BRINP3: variants seen among roughly 807,000 people sequenced by gnomAD.
The protein encoded by BRINP3 is BMP/retinoic acid inducible neural specific 3.
Under a neutral mutation model 71.0 loss-of-function variants are expected in BRINP3, and 19 were observed. The ratio of observed to expected loss-of-function variants is 0.27; its 90% confidence interval spans 0.19 to 0.39. The LOEUF is 0.39. BRINP3 is among the 10% of genes least tolerant of loss of function. BRINP3 has a pLI of 1.00. For missense variants in BRINP3, 959 were observed against 940.8 expected (o/e 1.02, Z -0.25); for synonymous variants, 380 against 337.7 (o/e 1.13, Z -1.37).
chr1:190,404,280 T>C (rs1672122038), intron 2 of BRINP3, among the ~76,000 whole-genome samples: 1 of 152,140 alleles, frequency 6.6e-6, no homozygotes, highest in African/African-American at 2.4e-5. Context: ...GAATAGTTTA[T>C]ATTGAAGGAA....
At chr1:190,194,415 T>A (rs1654304050) in intron 6 of BRINP3, among the ~76,000 whole-genome samples, 1 of 151,892 alleles carries the variant, frequency 6.6e-6, no homozygotes, top group South Asian at 2.1e-4. Flanking sequence ...CATAGACTGA[T>A]CAGAAAACAT....
intron 4 of BRINP3, among the ~76,000 whole-genome samples, chr1:190,253,987 C>T (rs1660405750): frequency 6.6e-6 from 1 of 152,136 alleles, no homozygotes. Context: ...CTACATATGG[C>T]TAGCCAGTTT....
At chr1:190,116,129 T>A (rs1653117474) in intron 7 of BRINP3, among the ~76,000 whole-genome samples, 1 of 152,116 alleles carries the variant, frequency 6.6e-6, no homozygotes, top group Non-Finnish European at 1.5e-5. Context: ...ATACTTGATA[T>A]TTTTTATCCA....
chr1:190,420,019 A>G (rs1446721948), intron 2 of BRINP3, among the ~76,000 whole-genome samples: 4 of 152,028 alleles, frequency 2.6e-5, no homozygotes, highest in African/African-American at 9.7e-5. Flanking sequence ...AAGTAGATTC[A>G]TATTTATAAC....
rs571154634 is a variant in BRINP3 at position 190,398,994 on chromosome 1, A to T, written c.236+55661T>A. Among the ~76,000 whole-genome samples the T allele has an allele frequency of 1.3e-5, 2 of 152,138 alleles. 1 individual carries two copies. The highest frequency in any genetic ancestry group is 4.1e-4 in the South Asian group (2 of 4,828). On this transcript the variant is annotated intron_variant, in intron 2 of 7. Coordinates refer to ENST00000367462, the MANE Select transcript of BRINP3 (RefSeq NM_199051.3). ...AGTGGTCATATGTCCATCATTGGTC[A>T]GGTTTCATGGCTAATATCTATTTTT...
intron 2 of BRINP3, among the ~76,000 whole-genome samples, chr1:190,338,645 T>A (rs1188993942): frequency 2.0e-5 from 3 of 152,024 alleles, no homozygotes; most frequent in Non-Finnish European, 4.4e-5. Flanking sequence ...CCTGTTTTTG[T>A]CTATCAATTT....
At chr1:190,341,702 T>C (rs767698539) in intron 2 of BRINP3, among the ~76,000 whole-genome samples, 42 of 151,668 alleles carry the variant, frequency 2.8e-4, no homozygotes, top group Admixed American at 2.6e-4. Flanking sequence ...GGCAGAAATA[T>C]CAAAGTTCCA....
chr1:190,314,610 A>C (rs891799439), intron 2 of BRINP3, among the ~76,000 whole-genome samples: 1 of 152,154 alleles, frequency 6.6e-6, no homozygotes, highest in Non-Finnish European at 1.5e-5. Context: ...AAAAGTTAGG[A>C]AACTATTTCT....
chr1:190,392,919 T>A (rs1355193699), intron 2 of BRINP3, among the ~76,000 whole-genome samples: 2 of 151,714 alleles, frequency 1.3e-5, no homozygotes, highest in Non-Finnish European at 3.0e-5. Context: ...AGTTGCTTGA[T>A]ATGTTCACAG....
chr1:190,329,655 A>C (rs1666837042), intron 2 of BRINP3, among the ~76,000 whole-genome samples: 1 of 152,002 alleles, frequency 6.6e-6, no homozygotes, highest in Non-Finnish European at 1.5e-5. Context: ...CTATTCCAAA[A>C]GTCATATGAG....
chr1:190,322,228 C>A (rs1571743224), intron 2 of BRINP3, among the ~76,000 whole-genome samples: 2 of 151,916 alleles, frequency 1.3e-5, no homozygotes, highest in South Asian at 4.1e-4. Flanking sequence ...TCTCTAGAGA[C>A]AAGTTCAGGA....
chr1:190,145,787 C>T (rs1239707767), intron 7 of BRINP3, among the ~76,000 whole-genome samples: 1 of 151,904 alleles, frequency 6.6e-6, no homozygotes, highest in African/African-American at 2.4e-5. Context: ...TGCCCATCAA[C>T]CAAAGGGTGA....
chr1:190,319,026 A>T (rs1410821785), intron 2 of BRINP3, among the ~76,000 whole-genome samples: 1 of 152,150 alleles, frequency 6.6e-6, no homozygotes, highest in African/African-American at 2.4e-5. Context: ...TAACAGGAAC[A>T]AGTGAAACAC....
intron 2 of BRINP3, among the ~76,000 whole-genome samples, chr1:190,434,493 T>C (rs1351860941): frequency 6.6e-6 from 1 of 152,032 alleles, no homozygotes; most frequent in Non-Finnish European, 1.5e-5. Context: ...TCTTTTACTT[T>C]CTCAGGACTT....
intron 6 of BRINP3, among the ~76,000 whole-genome samples, chr1:190,206,156 C>T (rs1453426102): frequency 6.6e-6 from 1 of 151,970 alleles, no homozygotes; most frequent in African/African-American, 2.4e-5. Context: ...TGCTTTACTA[C>T]ATGACTTAAA....
chr1:190,373,898 C>A (rs1390366708), intron 2 of BRINP3, among the ~76,000 whole-genome samples: 3 of 150,766 alleles, frequency 2.0e-5, no homozygotes, highest in Non-Finnish European at 4.4e-5. Context: ...CTGCCTCCTA[C>A]TGTCTATATT....
intron 2 of BRINP3, among the ~76,000 whole-genome samples, chr1:190,311,082 A>C (rs1038624388): frequency 6.6e-6 from 1 of 151,730 alleles, no homozygotes; most frequent in Non-Finnish European, 1.5e-5. Flanking sequence ...ATTATGTTGT[A>C]CTTTCTTTCT....
chr1:190,147,027 T>C (rs1655947281), intron 7 of BRINP3, among the ~76,000 whole-genome samples: 1 of 152,088 alleles, frequency 6.6e-6, no homozygotes, highest in Non-Finnish European at 1.5e-5. Context: ...GATATCCTTG[T>C]GGATGTATTC....
At chr1:190,287,005 G>A (rs950075134) in intron 2 of BRINP3, among the ~76,000 whole-genome samples, 4 of 151,614 alleles carry the variant, frequency 2.6e-5, no homozygotes, top group Non-Finnish European at 5.9e-5. Context: ...GATCACTTCA[G>A]GTCAGGAGTT....
Sources: allele counts gnomAD v4.1 joint callset (sites outside exome capture counted in the v4.1 genomes callset), GRCh38; gene constraint gnomAD v4.1.1; transcripts MANE v1.5; gene names NCBI Gene and HGNC (gene_info 2026-07-23, HGNC 2026-07-21).